The following UGGT2 variants were observed in gnomAD, a reference collection of about 807,000 sequenced individuals.
The protein encoded by UGGT2 is UDP-glucose glycoprotein glucosyltransferase 2.
UGGT2 carries 180 observed loss-of-function variants against 192.1 expected under a neutral mutation model. The observed-to-expected ratio is 0.94, with a 90% CI of 0.83 to 1.06. The LOEUF (loss-of-function observed/expected upper bound fraction) is 1.06, where lower values mean the gene tolerates loss of function less well. UGGT2 is among the 50% of genes least tolerant of loss of function. The pLI, the probability that UGGT2 is intolerant of heterozygous loss-of-function variation, is 0.00. For synonymous variants in UGGT2, 580 were observed against 591.0 expected, an observed-to-expected ratio of 0.98 and a Z score of 0.27; for missense variants, 1,849 against 1,795.7, an observed-to-expected ratio of 1.03 and a Z score of -0.54.
intron 23 of UGGT2, 136 bp from the exon 24 acceptor site, chr13:95,894,793 T>G: frequency 1.6e-6 from 1 of 639,772 alleles, no homozygotes; most frequent in Non-Finnish European, 2.7e-6. Flanking sequence ...AAGGGAGACC[T>G]ACGTATAATA....
chr13:95,863,726 G>A lies in UGGT2; in HGVS notation c.3559-12C>T, dbSNP rs140337888. On this transcript the variant is annotated splice_polypyrimidine_tract_variant and intron_variant, in intron 30 of 38. Transcript: ENST00000376747. ...GTTTCTTTTTTCACCTAGATAGCAT[G>A]GCAAAAAAGATTAGAATTTGGCTGC... 6.9e-6 allele frequency: 11 copies of A among 1,600,698 alleles called. No individual in the cohort carries two copies. Among genetic ancestry groups the A allele is most frequent in the Admixed American group, 6.7e-5 (4 of 59,644 alleles).
chr13:95,823,821 T>C (rs981507373), intron 38 of UGGT2, among the ~76,000 whole-genome samples: 2 of 152,060 alleles, frequency 1.3e-5, no homozygotes, highest in Non-Finnish European at 2.9e-5. Flanking sequence ...CTAGATAAAC[T>C]GTTGTTGTTG....
intron 12 of UGGT2, among the ~76,000 whole-genome samples, chr13:95,956,075 G>A (rs931847636): frequency 5.3e-5 from 8 of 152,168 alleles, no homozygotes; most frequent in African/African-American, 1.7e-4. Flanking sequence ...ACAAAGCAGA[G>A]CAGGAAATAA....
intron 2 of UGGT2, among the ~76,000 whole-genome samples, chr13:96,024,406 T>C (rs1303691030): frequency 6.6e-6 from 1 of 152,124 alleles, no homozygotes; most frequent in Non-Finnish European, 1.5e-5. Flanking sequence ...AGAGATCACT[T>C]GAATGGGAGA....
chr13:95,921,931 T>C (rs944525098), intron 20 of UGGT2, among the ~76,000 whole-genome samples: 1 of 152,198 alleles, frequency 6.6e-6, no homozygotes, highest in African/African-American at 2.4e-5. Context: ...GCTGGGTATA[T>C]ATCCAAAGAA....
chr13:96,015,134 C>A (rs752775068), intron 4 of UGGT2, among the ~76,000 whole-genome samples: 1 of 151,724 alleles, frequency 6.6e-6, no homozygotes, highest in Non-Finnish European at 1.5e-5. Flanking sequence ...AAAAATTAGC[C>A]GGGCGTGGTG....
chr13:96,022,988 G>T, intron 4 of UGGT2, 52 bp downstream of exon 4: 1 of 1,320,774 alleles, frequency 7.6e-7, no homozygotes, highest in South Asian at 1.9e-5. Flanking sequence ...TTCTGCTATT[G>T]AACTCTCCTC....
At chr13:96,009,933 C>T (rs2052103727) in intron 5 of UGGT2, among the ~76,000 whole-genome samples, 1 of 151,996 alleles carries the variant, frequency 6.6e-6, no homozygotes, top group Non-Finnish European at 1.5e-5. Flanking sequence ...CAGATCAAAA[C>T]CACAATGAGA....
chr13:95,803,869 A>G (rs1594044735), intron 38 of UGGT2, among the ~76,000 whole-genome samples: 1 of 152,344 alleles, frequency 6.6e-6, no homozygotes, highest in Non-Finnish European at 1.5e-5. Flanking sequence ...CAGTAACAAA[A>G]GAAAAAAGGG....
chr13:95,854,020 A>G (rs1889329242), intron 35 of UGGT2, among the ~76,000 whole-genome samples: 1 of 152,196 alleles, frequency 6.6e-6, no homozygotes, highest in Non-Finnish European at 1.5e-5. Context: ...TTTAACTCTT[A>G]GCTCTGTTAT....
chr13:95,810,288 AGT>A (rs1180944318), intron 38 of UGGT2, among the ~76,000 whole-genome samples: 2 of 152,224 alleles, frequency 1.3e-5, no homozygotes, highest in African/African-American at 4.8e-5. Flanking sequence ...GGAGATGATT[AGT>A]GTTTTAAGCA....
At chr13:95,842,656 T>A (rs1887989794) in intron 36 of UGGT2, among the ~76,000 whole-genome samples, 1 of 152,206 alleles carries the variant, frequency 6.6e-6, no homozygotes, top group Non-Finnish European at 1.5e-5. Context: ...TATAACAGAC[T>A]GTGACTTTCA....
chr13:95,980,409 T>C (rs2051080413), intron 10 of UGGT2, among the ~76,000 whole-genome samples: 1 of 151,286 alleles, frequency 6.6e-6, no homozygotes, highest in African/African-American at 2.4e-5. Flanking sequence ...GCTTTGAGGA[T>C]GCAAAGACAT....
At chr13:95,858,206 T>A (rs4773927) in intron 33 of UGGT2, among the ~76,000 whole-genome samples, 4 of 151,600 alleles carry the variant, frequency 2.6e-5, no homozygotes, top group African/African-American at 7.3e-5. Flanking sequence ...CCCTTCACCC[T>A]ATCTCCCAGG....
At chr13:95,837,360 A>C (rs530089310) in intron 36 of UGGT2, among the ~76,000 whole-genome samples, 158 bp from the exon 37 acceptor site, 1 of 152,316 alleles carries the variant, frequency 6.6e-6, no homozygotes, top group South Asian at 2.1e-4. Context: ...ACCTAAGGTG[A>C]TCCAATCATC....
At chr13:95,888,344 T>C (rs1439752120) in intron 25 of UGGT2, among the ~76,000 whole-genome samples, 2 of 152,178 alleles carry the variant, frequency 1.3e-5, no homozygotes, top group East Asian at 3.9e-4. Flanking sequence ...ACAACGTTGG[T>C]GGTGTCCTGA....
chr13:95,924,393 C>CTTTTTTTTTTTTTTTTTTTTTTTT (rs59757283), intron 20 of UGGT2, among the ~76,000 whole-genome samples: 30 of 63,350 alleles, frequency 4.7e-4, no homozygotes, highest in Non-Finnish European at 6.6e-4. Flanking sequence ...TCCCAAACAG[C>CTTTTTTTTTTTTTTTTTTTTTTTT]TTTTTTTTTT....
At chr13:95,901,010 A>G in intron 21 of UGGT2, 72 bp from the exon 22 acceptor site, 1 of 1,092,752 alleles carries the variant, frequency 9.2e-7, no homozygotes, top group South Asian at 3.5e-5. Flanking sequence ...TGTTTAAAAA[A>G]CTAATATTAG....
intron 36 of UGGT2, among the ~76,000 whole-genome samples, chr13:95,838,728 T>C (rs1376746780): frequency 2.6e-5 from 4 of 152,178 alleles, no homozygotes; most frequent in Non-Finnish European, 4.4e-5. Flanking sequence ...AAACCTTAAC[T>C]GTCCCTTCTG....
Sources: gnomAD v4.1 joint callset for allele counts (sites outside exome capture counted in the v4.1 genomes callset) on GRCh38, gnomAD v4.1.1 for gene constraint, MANE v1.5 for transcripts, NCBI Gene and HGNC (gene_info 2026-07-23, HGNC 2026-07-21) for gene names.